Variants in OLFM3 observed in about 807,000 individuals in gnomAD.
OLFM3 encodes noelin-3.
Under a neutral mutation model 48.6 loss-of-function variants are expected in OLFM3, and 20 were observed. The observed-to-expected ratio is 0.41, with a 90% CI of 0.29 to 0.60. The LOEUF is 0.60. Among genes scored for constraint, OLFM3 ranks in the 20% least tolerant of loss-of-function variants. OLFM3 has a pLI of 0.28. For missense variants in OLFM3, 437 were observed against 544.3 expected, an observed-to-expected ratio of 0.80 and a Z score of 1.96; for synonymous variants, 222 against 198.1, an observed-to-expected ratio of 1.12 and a Z score of -1.01.
At chr1:101,825,714 T>C (rs1022781063) in intron 3 of OLFM3, among the ~76,000 whole-genome samples, 1 of 152,206 alleles carries the variant, frequency 6.6e-6, no homozygotes. Context: ...AGTATCCATG[T>C]TATGGGGCAC....
chr1:101,965,733 G>A (rs1159694344), intron 1 of OLFM3, among the ~76,000 whole-genome samples: 1 of 152,042 alleles, frequency 6.6e-6, no homozygotes, highest in African/African-American at 2.4e-5. Flanking sequence ...AAATGAAGAG[G>A]TTATATATTT....
At chr1:101,865,105 A>G (rs1332815712) in intron 1 of OLFM3, among the ~76,000 whole-genome samples, 1 of 152,108 alleles carries the variant, frequency 6.6e-6, no homozygotes, top group African/African-American at 2.4e-5. Context: ...CCTTATGTAG[A>G]ATTCACTTTG....
intron 1 of OLFM3, among the ~76,000 whole-genome samples, chr1:101,868,563 T>C (rs550621412): frequency 6.6e-6 from 1 of 152,274 alleles, no homozygotes; most frequent in East Asian, 1.9e-4. Context: ...TTTGGAAAAT[T>C]TGCAGACTGT....
chr1:101,878,855 G>C (rs1417116523), intron 1 of OLFM3, among the ~76,000 whole-genome samples: 1 of 151,922 alleles, frequency 6.6e-6, no homozygotes, highest in African/African-American at 2.4e-5. Flanking sequence ...AGTTGGCAGA[G>C]AGCAGTTATA....
chr1:101,830,882 T>C lies in OLFM3; in HGVS notation c.217-55A>G, dbSNP rs887078746. ...ATTATCTGTTTGCAGGTTTGTGCAATCACTAAGAAATAGCAAAAATGCCGT... is the reference window on the plus strand; with the variant it reads ...ATTATCTGTTTGCAGGTTTGTGCAACCACTAAGAAATAGCAAAAATGCCGT... On this transcript the variant is annotated intron_variant, in intron 2 of 5. Coordinates refer to ENST00000370103, the MANE Select transcript of OLFM3 (RefSeq NM_058170.4). The C allele has an allele frequency of 2.4e-5, 36 of 1,527,206 alleles. No individual in the cohort carries two copies. The East Asian group carries it at 7.7e-4, about 32-fold the overall frequency. The allele number at this position is 1,527,206 out of a possible 1,614,324, so 94.6% of individuals were successfully genotyped here.
At chr1:101,871,956 G>A (rs2100977413) in intron 1 of OLFM3, among the ~76,000 whole-genome samples, 1 of 152,072 alleles carries the variant, frequency 6.6e-6, no homozygotes, top group East Asian at 1.9e-4. Flanking sequence ...AATTATTACT[G>A]TGTGATCACA....
chr1:101,828,050 G>C (rs201870569), intron 3 of OLFM3, among the ~76,000 whole-genome samples: 37,077 of 134,092 alleles, frequency 0.28, 5,445 homozygotes, highest in Non-Finnish European at 0.35. Context: ...CTGTCTGTCT[G>C]TCTCTCTCTC....
intron 1 of OLFM3, among the ~76,000 whole-genome samples, chr1:101,940,490 C>A (rs1284837408): frequency 1.3e-5 from 2 of 151,346 alleles, no homozygotes; most frequent in African/African-American, 4.9e-5. Flanking sequence ...TATTATCTAT[C>A]TTTCAATCAT....
intron 4 of OLFM3, among the ~76,000 whole-genome samples, chr1:101,813,921 G>A (rs1378799467): frequency 3.3e-5 from 5 of 151,956 alleles, no homozygotes; most frequent in African/African-American, 4.8e-5. Flanking sequence ...CTGCATCTTC[G>A]GTTTCTTATT....
intron 1 of OLFM3, among the ~76,000 whole-genome samples, chr1:101,875,590 A>G (rs556717985): frequency 1.3e-4 from 20 of 152,110 alleles, no homozygotes; most frequent in African/African-American, 4.8e-4. Context: ...TCTAGGACAT[A>G]AGATGAGTTA....
Position 101,886,009 on chromosome 1 carries a change from ACACT to A in OLFM3, c.70-48988_70-48985del, listed in dbSNP as rs550801670. 1.6e-4 allele frequency among the ~76,000 whole-genome samples: 25 copies of A among 152,226 alleles called. No homozygotes were observed. The South Asian group carries it at 4.1e-3, about 25-fold the overall frequency. On this transcript the variant is annotated intron_variant, in intron 1 of 5. Transcript: ENST00000370103. Reference sequence around the variant, plus strand: ...TAGTGACAAAGGAAGAAGTGTGTAAACACTCAATTAATATCTTATAATAAGTGAT... The same window carrying A: ...TAGTGACAAAGGAAGAAGTGTGTAAACAATTAATATCTTATAATAAGTGAT...
intron 1 of OLFM3, among the ~76,000 whole-genome samples, chr1:101,848,254 C>T (rs1001058989): frequency 6.6e-6 from 1 of 151,972 alleles, no homozygotes. Context: ...AAATTGGTTA[C>T]AAAAAGGAAA....
Position 101,831,395 on chromosome 1 carries a change from T to C in OLFM3, c.217-568A>G, listed in dbSNP as rs537631678. On this transcript the variant is annotated intron_variant, in intron 2 of 5. Coordinates refer to ENST00000370103, the MANE Select transcript of OLFM3 (RefSeq NM_058170.4). ...TGGACAGCATAGTGTTTGAGGGACCTGGAAAAGGGTAACTGCATCAAGTGC... is the reference window on the plus strand; with the variant it reads ...TGGACAGCATAGTGTTTGAGGGACCCGGAAAAGGGTAACTGCATCAAGTGC... Among the ~76,000 whole-genome samples, 72 of 152,268 alleles carry C rather than the reference T, an allele frequency of 4.7e-4. 1 individual carries two copies. The highest frequency in any genetic ancestry group is 1.6e-3 in the African/African-American group (67 of 41,558).
intron 1 of OLFM3, among the ~76,000 whole-genome samples, chr1:101,875,736 C>A (rs1352923495): frequency 1.3e-5 from 2 of 151,008 alleles, no homozygotes; most frequent in African/African-American, 4.9e-5. Context: ...ATATCAAGAG[C>A]TCAAAATATG....
intron 4 of OLFM3, among the ~76,000 whole-genome samples, chr1:101,807,412 C>T (rs1244395673): frequency 2.0e-5 from 3 of 151,698 alleles, no homozygotes; most frequent in Non-Finnish European, 4.4e-5. Context: ...TATCTTCTTT[C>T]CTCCTCTGAC....
chr1:101,952,809 T>TA (rs143490505), intron 1 of OLFM3, among the ~76,000 whole-genome samples: 2,985 of 151,636 alleles, frequency 0.02, 100 homozygotes, highest in African/African-American at 0.068. Context: ...CTATCTTTTT[T>TA]AAAAAAAAAT....
intron 4 of OLFM3, among the ~76,000 whole-genome samples, chr1:101,823,458 G>A (rs1322272490): frequency 6.6e-6 from 1 of 151,918 alleles, no homozygotes; most frequent in African/African-American, 2.4e-5. Flanking sequence ...GGAACAAACA[G>A]CATCTTATAA....
chr1:101,958,831 G>A (rs1307329088), intron 1 of OLFM3, among the ~76,000 whole-genome samples: 1 of 63,364 alleles, frequency 1.6e-5, no homozygotes, highest in East Asian at 5.9e-4. Context: ...TATACAAAGT[G>A]ATATTATATA....
At chr1:101,887,670 T>C (rs1657817399) in intron 1 of OLFM3, among the ~76,000 whole-genome samples, 1 of 152,038 alleles carries the variant, frequency 6.6e-6, no homozygotes, top group African/African-American at 2.4e-5. Context: ...ATACTTACTT[T>C]CCAAAATAAA....
Sources: gnomAD v4.1 joint callset for allele counts (sites outside exome capture counted in the v4.1 genomes callset) on GRCh38, gnomAD v4.1.1 for gene constraint, MANE v1.5 for transcripts, NCBI Gene and HGNC (gene_info 2026-07-23, HGNC 2026-07-21) for gene names.